KLHL21: variants seen among roughly 807,000 people sequenced by gnomAD.
KLHL21 encodes the protein kelch like family member 21.
A neutral mutation model predicts 44.1 loss-of-function variants in KLHL21; 42 were observed. That is an observed-to-expected ratio of 0.95 (90% CI 0.74 to 1.23). The LOEUF (loss-of-function observed/expected upper bound fraction) is 1.23. Among genes scored for constraint, KLHL21 ranks in the 50% most tolerant of loss-of-function variants. The pLI, the probability that KLHL21 is intolerant of heterozygous loss-of-function variation, is 0.00. For synonymous variants in KLHL21, 524 were observed against 411.6 expected, an observed-to-expected ratio of 1.27 and a Z score of -3.31; for missense variants, 918 against 889.1, an observed-to-expected ratio of 1.03 and a Z score of -0.41.
chr1:6,597,115 C>T (rs1298760926), intron 2 of KLHL21, among the ~76,000 whole-genome samples: 1 of 152,252 alleles, frequency 6.6e-6, no homozygotes, highest in African/African-American at 2.4e-5. Flanking sequence ...CCTCTGTGCT[C>T]CGGCACAGGT....
At chr1:6,596,583 T>C (rs1311657630) in intron 2 of KLHL21, among the ~76,000 whole-genome samples, 1 of 152,232 alleles carries the variant, frequency 6.6e-6, no homozygotes, top group Non-Finnish European at 1.5e-5. Flanking sequence ...CATTTACATC[T>C]CGTCTAACTT....
In KLHL21 at chr1:6,601,901, C is replaced by A; in HGVS notation, c.917G>T (p.Cys306Phe). The A allele has an allele frequency of 6.4e-7, 1 of 1,566,182 alleles. No individual in the cohort carries two copies. The highest frequency in any genetic ancestry group is 1.2e-5 in the South Asian group (1 of 85,312). Reference protein sequence around the residue: ...QDCDELVTVDCYNPQTGQWRY... With the variant: ...QDCDELVTVDFYNPQTGQWRY... ...CCACTGACCCGTCTGCGGGTTGTAG[C>A]AGTCGACAGTGACCAGCTCGTCACA... Residue 306 changes from cysteine to phenylalanine, a missense_variant, in exon 1 of 4, where the codon TGC becomes TTC. Transcript: ENST00000377658.
In KLHL21 at chr1:6,598,840, G is replaced by A. The variant is rs184077922; in HGVS notation, c.1427+207C>T. On this transcript the variant is annotated intron_variant, in intron 2 of 3. Coordinates refer to ENST00000377658, the MANE Select transcript of KLHL21 (RefSeq NM_014851.4). ...GGAGCTTGCAGTGAGCTGAGATTGCGCCACAGCACTCCAGCCTGGGCGACA... is the reference window on the plus strand; with the variant it reads ...GGAGCTTGCAGTGAGCTGAGATTGCACCACAGCACTCCAGCCTGGGCGACA... Among the ~76,000 whole-genome samples the A allele has an allele frequency of 1.3e-3, 203 of 152,336 alleles. 2 individuals are homozygous for A. The highest frequency in any genetic ancestry group is 0.012 in the Admixed American group (180 of 15,290).
At position 6,601,858 on chromosome 1, in the gene KLHL21, G is replaced by C; in HGVS notation, c.960C>G (p.Phe320Leu). Residue 320 changes from phenylalanine (F) to leucine (L), a missense_variant, in exon 1 of 4, where the codon TTC becomes TTG. Coordinates refer to ENST00000377658, the MANE Select transcript of KLHL21 (RefSeq NM_014851.4). Reference sequence around the variant, plus strand: ...TGTAGCCTCCGCCCAGGTGGTCTGGGAACTCGGCCAGGTAGCGCCACTGAC... The same window carrying C: ...TGTAGCCTCCGCCCAGGTGGTCTGGCAACTCGGCCAGGTAGCGCCACTGAC... ...QTGQWRYLAE[F>L]PDHLGGGYSI... 6.3e-7 allele frequency: 1 copy of C among 1,580,094 alleles called. No homozygotes were observed. Among genetic ancestry groups the C allele is most frequent in the Non-Finnish European group, 8.6e-7 (1 of 1,163,992 alleles).
chr1:6,598,383 A>C (rs1640957736), intron 2 of KLHL21, among the ~76,000 whole-genome samples: 1 of 151,826 alleles, frequency 6.6e-6, no homozygotes, highest in Non-Finnish European at 1.5e-5. Context: ...CAGCCTGACC[A>C]ACATGGAGAA....
At position 6,590,936 on chromosome 1, in the gene KLHL21, A is replaced by G. The variant is rs1640839655; in HGVS notation, c.*2429T>C. The stretch of plus-strand genomic sequence containing the variant: ...ATAAATATAGAATACCTTATAGTAG[A>G]TCAGCATTAAATACCAGTCACTGTG... On this transcript the variant is annotated 3_prime_UTR_variant, in exon 4 of 4. Coordinates refer to ENST00000377658, the MANE Select transcript of KLHL21 (RefSeq NM_014851.4). The G allele has an allele frequency of 2.5e-6, 1 of 398,688 alleles. No homozygotes were observed. The highest frequency in any genetic ancestry group is 4.4e-6 in the Non-Finnish European group (1 of 226,072). 24.7% of individuals were successfully genotyped at this position (398,688 alleles called of 1,614,324 possible). A position where few individuals can be genotyped will look rare whatever the true frequency, so the allele number is the denominator to read the frequency against.
chr1:6,602,187 G>C lies in KLHL21; in HGVS notation c.631C>G (p.Pro211Ala). 6.9e-7 allele frequency: 1 copy of C among 1,443,906 alleles called. No homozygotes were observed. Among genetic ancestry groups the C allele is most frequent in the Non-Finnish European group, 9.0e-7 (1 of 1,108,660 alleles). The allele number at this position is 1,443,906 out of a possible 1,614,324, so 89.4% of individuals were successfully genotyped here. Residue 211 changes from proline (P) to alanine (A), a missense_variant, in exon 1 of 4, where the codon CCG (proline) becomes GCG (alanine). Physicochemically the swap from Pro to Ala is conservative, Grantham distance 27 (BLOSUM62 -1). Coordinates refer to ENST00000377658, the MANE Select transcript of KLHL21 (RefSeq NM_014851.4). ...LALRWVRADPPRRAAHWPQLL... is the reference protein window; with the variant it reads ...LALRWVRADPARRAAHWPQLL... ...TGCGGCCAGTGCGCGGCGCGGCGCG[G>C]CGGGTCAGCGCGGACCCAGCGCAGC... is the stretch of plus-strand genomic sequence containing the variant.
At chr1:6,598,387 T>C (rs1470830572) in intron 2 of KLHL21, among the ~76,000 whole-genome samples, 3 of 150,986 alleles carry the variant, frequency 2.0e-5, no homozygotes, top group Non-Finnish European at 4.4e-5. Flanking sequence ...CTGACCAACA[T>C]GGAGAAACCC....
rs1172334026 is a variant in KLHL21 at position 6,601,817 on chromosome 1, C to T, written c.1001G>A (p.Gly334Asp). The change falls in exon 1 of 4, where the codon GGC becomes GAC. Residue 334 changes from glycine (G) to aspartate (D), a missense_variant. By Grantham distance (94) the Gly-to-Asp change is moderately conservative. Coordinates refer to ENST00000377658, the MANE Select transcript of KLHL21 (RefSeq NM_014851.4). ...LGGGYSIVAL[G>D]NDIYVTGGSD... ...CTCACCCGTCACGTAGATGTCATTGCCCAGCGCCACGATGCTGTAGCCTCC... is the reference window on the plus strand; with the variant it reads ...CTCACCCGTCACGTAGATGTCATTGTCCAGCGCCACGATGCTGTAGCCTCC... 2.5e-6 allele frequency: 4 copies of T among 1,582,370 alleles called. No homozygotes were observed. The highest frequency in any genetic ancestry group is 1.4e-5 in the African/African-American group (1 of 73,920).
rs1640974260 is a variant in KLHL21 at position 6,599,175 on chromosome 1, C to T, written c.1299G>A (p.Lys433=). The T allele has an allele frequency of 1.2e-6, 2 of 1,614,016 alleles. No individual in the cohort carries two copies. The highest frequency in any genetic ancestry group is 1.7e-6 in the Non-Finnish European group (2 of 1,180,046). The part of the protein sequence containing the change: ...RLYAIGSLAG[K]ETMVMQCYDP... Reference sequence around the variant, plus strand: ...CGTAGCACTGCATCACCATGGTCTCCTTGCCAGCCAGGGAGCCGATGGCAT... The same window carrying T: ...CGTAGCACTGCATCACCATGGTCTCTTTGCCAGCCAGGGAGCCGATGGCAT... The change falls in exon 2 of 4, where the codon AAG becomes AAA. Residue 433 remains lysine (K), a synonymous_variant. Coordinates refer to ENST00000377658, the MANE Select transcript of KLHL21 (RefSeq NM_014851.4).
In KLHL21 at chr1:6,602,377, G is replaced by C; in HGVS notation, c.441C>G (p.Ala147=). The C allele has an allele frequency of 1.3e-6, 2 of 1,588,790 alleles. No homozygotes were observed. The change falls in exon 1 of 4, where the codon GCC becomes GCG. Residue 147 remains alanine (A), a synonymous_variant. Coordinates refer to ENST00000377658, the MANE Select transcript of KLHL21 (RefSeq NM_014851.4). ...NCLDMQDFAE[A]FSCSGLASAA... Reference sequence around the variant, plus strand: ...CGCTCGCCAGTCCCGAGCAGCTGAAGGCCTCAGCGAAGTCCTGCATGTCCA... The same window carrying C: ...CGCTCGCCAGTCCCGAGCAGCTGAACGCCTCAGCGAAGTCCTGCATGTCCA...
rs1640912069 is a variant in KLHL21, at chr1:6,595,505, T to C, written c.1480A>G (p.Lys494Glu). 2 of 1,614,176 alleles carry C rather than the reference T, an allele frequency of 1.2e-6. No homozygotes were observed. The highest frequency in any genetic ancestry group is 8.5e-7 in the Non-Finnish European group (1 of 1,180,022). ...TTTACCTGATTCATGGACGGGATCT[T>C]GTCCCATTCGTTCCTCGTCGGGTTG... ...VYNPTRNEWDKIPSMNQVHVG... is the reference protein window; with the variant it reads ...VYNPTRNEWDEIPSMNQVHVG... The change falls in exon 3 of 4, where the codon AAG (lysine) becomes GAG (glutamate). Residue 494 changes from lysine to glutamate, a missense_variant. Physicochemically the swap from Lys to Glu is moderately conservative, Grantham distance 56 (BLOSUM62 1). Transcript: ENST00000377658.
chr1:6,593,273 GCC>G lies in KLHL21; in HGVS notation c.*90_*91del, dbSNP rs575651447. On this transcript the variant is annotated 3_prime_UTR_variant, in exon 4 of 4. Transcript: ENST00000377658. The stretch of plus-strand genomic sequence containing the variant: ...CCAAGAGCCTGTGCTCCTCCTGTGA[GCC>G]CAACGTGTCCTTGTGCACAAAGGAG... The G allele has an allele frequency of 8.1e-6, 11 of 1,363,742 alleles. No individual in the cohort carries two copies. The South Asian group carries it at 1.2e-4, about 15-fold the overall frequency. 84.5% of individuals were successfully genotyped at this position (1,363,742 alleles called of 1,614,324 possible).
Position 6,593,707 on chromosome 1 carries a change from C to G in KLHL21, c.1501-49G>C, listed in dbSNP as rs181023868. Reference sequence around the variant, plus strand: ...GTGGAGGTCAGAGGAGAGGGTAGGGCAGGGCCCCACCTGGGGAACCACTGG... The same window carrying G: ...GTGGAGGTCAGAGGAGAGGGTAGGGGAGGGCCCCACCTGGGGAACCACTGG... On this transcript the variant is annotated intron_variant, in intron 3 of 3. Coordinates refer to ENST00000377658, the MANE Select transcript of KLHL21 (RefSeq NM_014851.4). The G allele has an allele frequency of 3.0e-4, 456 of 1,511,664 alleles. 1 individual carries two copies. In the African/African-American group the frequency reaches 3.5e-3, roughly 12 times the overall value. The allele number at this position is 1,511,664 out of a possible 1,614,324, so 93.6% of individuals were successfully genotyped here. A position where few individuals can be genotyped will look rare whatever the true frequency, so the allele number is the denominator to read the frequency against.
At chr1:6,598,904 CAA>C (rs1640967583) in intron 2 of KLHL21, 141 bp downstream of exon 2, 3 of 875,668 alleles carry the variant, frequency 3.4e-6, no homozygotes, top group Non-Finnish European at 5.1e-6. Context: ...AAAACAAAAA[CAA>C]AGAGACAGAC....
chr1:6,597,379 C>T (rs1286241038), intron 2 of KLHL21, among the ~76,000 whole-genome samples: 2 of 152,100 alleles, frequency 1.3e-5, no homozygotes, highest in Admixed American at 6.6e-5. Flanking sequence ...GCCTAGGGGC[C>T]GAAAGGAAGG....
In KLHL21 at chr1:6,602,829, T is replaced by A. The variant is rs564591242; in HGVS notation, c.-12A>T. The A allele has an allele frequency of 4.2e-5, 59 of 1,421,522 alleles. 1 individual carries two copies. In the African/African-American group the frequency reaches 8.5e-4, roughly 20 times the overall value. The allele number at this position is 1,421,522 out of a possible 1,614,324, so 88.1% of individuals were successfully genotyped here. A position where few individuals can be genotyped will look rare whatever the true frequency, so the allele number is the denominator to read the frequency against. On this transcript the variant is annotated 5_prime_UTR_variant, in exon 1 of 4. Transcript: ENST00000377658. Reference sequence around the variant, plus strand: ...GCCGGTCGCTCCATGGCGCCTTCGATAGGTTGTCGAGGACGCCGCGGCCGG... The same window carrying A: ...GCCGGTCGCTCCATGGCGCCTTCGAAAGGTTGTCGAGGACGCCGCGGCCGG...
chr1:6,599,103 C>A lies in KLHL21; in HGVS notation c.1371G>T (p.Pro457=), dbSNP rs143238175. The part of the protein sequence containing the change: ...LWSLVDCGQL[P]PWSFAPKTAT... Reference sequence around the variant, plus strand: ...CAGTCTTGGGGGCGAAGGACCAGGGCGGGAGCTGGCCGCAGTCCACCAGCG... The same window carrying A: ...CAGTCTTGGGGGCGAAGGACCAGGGAGGGAGCTGGCCGCAGTCCACCAGCG... The change falls in exon 2 of 4, where the codon CCG becomes CCT. Residue 457 remains proline (P), a synonymous_variant. Transcript: ENST00000377658. 2 of 1,611,748 alleles carry A rather than the reference C, an allele frequency of 1.2e-6. No homozygotes were observed. Among genetic ancestry groups the A allele is most frequent in the South Asian group, 1.1e-5 (1 of 90,766 alleles).
At position 6,591,622 on chromosome 1, in the gene KLHL21, ACTC is replaced by A. The variant is rs752787374; in HGVS notation, c.*1740_*1742del. Reference sequence around the variant, plus strand: ...CAAGGGAGACAAGCTGCCCCGCTGAACTCCAACAACCTCTGGGTGGGCTCAGCA... The same window carrying A: ...CAAGGGAGACAAGCTGCCCCGCTGAACAACAACCTCTGGGTGGGCTCAGCA... On this transcript the variant is annotated 3_prime_UTR_variant, in exon 4 of 4. Transcript: ENST00000377658. 2 of 152,360 alleles carry A rather than the reference ACTC, an allele frequency of 1.3e-5. No homozygotes were observed. Among genetic ancestry groups the A allele is most frequent in the Non-Finnish European group, 2.9e-5 (2 of 68,204 alleles). The allele number at this position is 152,360 out of a possible 1,614,324, so 9.4% of individuals were successfully genotyped here. A position where few individuals can be genotyped will look rare whatever the true frequency, so the allele number is the denominator to read the frequency against.
Sources: gnomAD v4.1 joint callset for allele counts (sites outside exome capture counted in the v4.1 genomes callset) on GRCh38, gnomAD v4.1.1 for gene constraint, MANE v1.5 for transcripts, NCBI Gene and HGNC (gene_info 2026-07-23, HGNC 2026-07-21) for gene names.